The following PTPRN2 variants were observed in gnomAD, a reference collection of about 807,000 sequenced individuals.
PTPRN2 encodes protein tyrosine phosphatase receptor type N2, also known as receptor-type tyrosine-protein phosphatase N2.
A neutral mutation model predicts 118.8 loss-of-function variants in PTPRN2; 74 were observed. That is an observed-to-expected ratio of 0.62 (90% CI 0.52 to 0.76). The LOEUF (loss-of-function observed/expected upper bound fraction) is 0.76. Ranked by LOEUF, PTPRN2 falls within the 30% of genes least tolerant of loss-of-function variation. PTPRN2 has a pLI of 0.00. For missense variants in PTPRN2, 1,481 were observed against 1,394.4 expected, an observed-to-expected ratio of 1.06 and a Z score of -0.99; for synonymous variants, 641 against 608.0, an observed-to-expected ratio of 1.05 and a Z score of -0.80.
intron 1 of PTPRN2, among the ~76,000 whole-genome samples, chr7:158,516,908 C>G (rs1489644494): frequency 6.6e-6 from 1 of 152,176 alleles, no homozygotes; most frequent in Non-Finnish European, 1.5e-5. Flanking sequence ...TGGTGCTGTT[C>G]TTGGTGTTTC....
intron 9 of PTPRN2, 36 bp downstream of exon 9, chr7:158,133,641 T>G (rs1563484760): frequency 7.9e-6 from 12 of 1,524,102 alleles, no homozygotes; most frequent in Non-Finnish European, 1.1e-5. Flanking sequence ...AAGCCCTCCC[T>G]CGGCACACAG....
intron 12 of PTPRN2, among the ~76,000 whole-genome samples, chr7:157,885,297 C>T (rs1387478986): frequency 1.3e-5 from 2 of 152,174 alleles, no homozygotes; most frequent in South Asian, 2.1e-4. Context: ...GCTGCCCTTA[C>T]ACCTGCAGCA....
intron 14 of PTPRN2, among the ~76,000 whole-genome samples, chr7:157,626,241 C>T (rs774516988): frequency 2.9e-4 from 44 of 152,122 alleles, no homozygotes; most frequent in Non-Finnish European, 4.3e-4. Context: ...TTTCACTGAA[C>T]GACCAGGTTG....
chr7:158,277,563 AC>A (rs1799103017), intron 3 of PTPRN2, among the ~76,000 whole-genome samples: 1 of 152,224 alleles, frequency 6.6e-6, no homozygotes, highest in South Asian at 2.1e-4. Context: ...TCCTCATCAC[AC>A]AGCTCCCGAG....
At chr7:158,238,586 T>C (rs565973601) in intron 3 of PTPRN2, among the ~76,000 whole-genome samples, 2 of 152,272 alleles carry the variant, frequency 1.3e-5, no homozygotes, top group South Asian at 4.1e-4. Flanking sequence ...TAACCATTGC[T>C]CCAGGATGCT....
At chr7:157,559,799 C>T (rs952472808) in intron 21 of PTPRN2, among the ~76,000 whole-genome samples, 4 of 152,168 alleles carry the variant, frequency 2.6e-5, no homozygotes, top group East Asian at 3.9e-4. Flanking sequence ...ATCCTGACAG[C>T]GACACAGCTG....
At chr7:157,888,744 C>T (rs544549224) in intron 12 of PTPRN2, among the ~76,000 whole-genome samples, 10 of 152,332 alleles carry the variant, frequency 6.6e-5, no homozygotes, top group East Asian at 1.9e-4. Flanking sequence ...CAATGGGTGA[C>T]GGGGGCCGCC....
At chr7:158,319,969 T>C (rs1250521818) in intron 2 of PTPRN2, among the ~76,000 whole-genome samples, 3 of 25,334 alleles carry the variant, frequency 1.2e-4, no homozygotes, top group Non-Finnish European at 1.7e-4. Flanking sequence ...ACACACAGCC[T>C]CCCTCACACA....
Position 157,576,663 on chromosome 7 carries a change from C to A in PTPRN2, c.2733G>T (p.Trp911Cys). The change falls in exon 19 of 23, where the codon TGG (tryptophan) becomes TGT (cysteine). Residue 911 changes from tryptophan (W) to cysteine (C), a missense_variant. By Grantham distance (215) the Trp-to-Cys change is radical. Transcript: ENST00000389418. ...AGGAGGAAGGGACTCCTCGGTCATA[C>A]CAACTCAGGAAGTGGAACTGCGTCA... ...RTVTQFHFLSWYDRGVPSSSR... is the reference protein window; with the variant it reads ...RTVTQFHFLSCYDRGVPSSSR... 6.2e-7 allele frequency: 1 copy of A among 1,612,816 alleles called. No homozygotes were observed. The highest frequency in any genetic ancestry group is 8.5e-7 in the Non-Finnish European group (1 of 1,179,472).
At chr7:157,614,784 A>T (rs1802648862) in intron 15 of PTPRN2, among the ~76,000 whole-genome samples, 1 of 152,178 alleles carries the variant, frequency 6.6e-6, no homozygotes, top group African/African-American at 2.4e-5. Flanking sequence ...GGGGACCCTT[A>T]GTTACAGACA....
At chr7:158,014,354 C>T (rs1394130442) in intron 11 of PTPRN2, among the ~76,000 whole-genome samples, 4 of 151,272 alleles carry the variant, frequency 2.6e-5, no homozygotes, top group African/African-American at 9.7e-5. Context: ...CATCTACCCA[C>T]ACACCCATAC....
chr7:157,713,571 GGT>G (rs1321692439), intron 12 of PTPRN2, among the ~76,000 whole-genome samples: 1 of 152,132 alleles, frequency 6.6e-6, no homozygotes, highest in East Asian at 1.9e-4. Context: ...GCAAAGAGAC[GGT>G]GTGACGCCCG....
chr7:158,316,841 C>T lies in PTPRN2; in HGVS notation c.255G>A (p.Ala85=), dbSNP rs367915752. 57 of 1,607,062 alleles carry T rather than the reference C, an allele frequency of 3.5e-5. No homozygotes were observed. The highest frequency in any genetic ancestry group is 1.5e-4 in the South Asian group (14 of 90,832). Residue 85 remains alanine (A), a synonymous_variant, in exon 3 of 23, where the codon GCG becomes GCA. Transcript: ENST00000389418. The part of the protein sequence containing the change: ...SPVALQRLRV[A]LQKLSGTGFT... ...TACCTGTGCCGGAAAGCTTCTGCAA[C>T]GCCACGCGCAGGCGCTGCAGGGCCA...
chr7:157,957,807 C>A (rs1297043769), intron 11 of PTPRN2, among the ~76,000 whole-genome samples: 2 of 152,018 alleles, frequency 1.3e-5, no homozygotes, highest in South Asian at 4.2e-4. Context: ...TAAATTTTAC[C>A]AAACATTTAA....
intron 11 of PTPRN2, among the ~76,000 whole-genome samples, chr7:158,011,022 A>G (rs1806010030): frequency 6.6e-6 from 1 of 152,222 alleles, no homozygotes; most frequent in South Asian, 2.1e-4. Flanking sequence ...CACAGACGGA[A>G]TCCTGAAATA....
rs1030979821 is a variant in PTPRN2 at position 158,570,254 on chromosome 7, G to A, written c.112+17304C>T. 6.6e-6 allele frequency among the ~76,000 whole-genome samples: 1 copy of A among 152,220 alleles called. No homozygotes were observed. Among genetic ancestry groups the A allele is most frequent in the Non-Finnish European group, 1.5e-5 (1 of 68,036 alleles). On this transcript the variant is annotated intron_variant, in intron 1 of 22. Transcript: ENST00000389418. The surrounding 1 kb of genome is among the most constrained non-coding windows in gnomAD (Gnocchi z 4.5). ...GGCCGCTCCTTGGCCATGGGCCCTC[G>A]GTCCTCGCCCTGAGCAGCGCGCCGG...
At chr7:158,046,499 T>C (rs1808888778) in intron 11 of PTPRN2, among the ~76,000 whole-genome samples, 1 of 152,230 alleles carries the variant, frequency 6.6e-6, no homozygotes, top group Non-Finnish European at 1.5e-5. Flanking sequence ...ACTGTCTTGT[T>C]CTGTGCACTG....
At chr7:157,685,875 GGCTCCCT>G (rs1400889668) in intron 12 of PTPRN2, among the ~76,000 whole-genome samples, 7 of 152,238 alleles carry the variant, frequency 4.6e-5, no homozygotes, top group African/African-American at 1.7e-4. Context: ...AACCTCGCCC[GGCTCCCT>G]GCTGCCTAGG....
chr7:158,098,851 C>T (rs914902963), intron 10 of PTPRN2, among the ~76,000 whole-genome samples: 1 of 151,892 alleles, frequency 6.6e-6, no homozygotes, highest in Non-Finnish European at 1.5e-5. Context: ...GGGAACGGGG[C>T]CGCGGGGAGG....
Sources: gnomAD v4.1 joint callset for allele counts (sites outside exome capture counted in the v4.1 genomes callset) on GRCh38, gnomAD v4.1.1 for gene constraint, Gnocchi (gnomAD v3.1) non-coding constraint, MANE v1.5 for transcripts, NCBI Gene and HGNC (gene_info 2026-07-23, HGNC 2026-07-21) for gene names.